The following FNDC3A variants were observed in gnomAD, a reference collection of about 807,000 sequenced individuals.
FNDC3A encodes fibronectin type III domain containing 3A.
A neutral mutation model predicts 148.9 loss-of-function variants in FNDC3A; 32 were observed. That is an observed-to-expected ratio of 0.21 (90% CI 0.16 to 0.29). The LOEUF (loss-of-function observed/expected upper bound fraction) is 0.29, where lower values mean the gene tolerates loss of function less well. Ranked by LOEUF, FNDC3A falls within the 10% of genes least tolerant of loss-of-function variation. The probability of loss-of-function intolerance (pLI) is 1.00; values close to 1 mark genes in which losing one functional copy is unlikely to be tolerated. For missense variants in FNDC3A, 1,191 were observed against 1,452.8 expected (o/e 0.82, Z 2.93); for synonymous variants, 472 against 473.6 (o/e 1.00, Z 0.04).
At chr13:49,135,610 G>A (rs1178362216) in intron 5 of FNDC3A, among the ~76,000 whole-genome samples, 1 of 151,920 alleles carries the variant, frequency 6.6e-6, no homozygotes, top group African/African-American at 2.4e-5. Flanking sequence ...TTTTCTTAAG[G>A]CACTGCTAAA....
At chr13:49,192,013 A>G (rs547822225) in intron 19 of FNDC3A, among the ~76,000 whole-genome samples, 1 of 152,326 alleles carries the variant, frequency 6.6e-6, no homozygotes, top group East Asian at 1.9e-4. Context: ...TGATAGAGGT[A>G]AGCTACAAAC....
chr13:49,167,611 TAGG>T (rs1414824475), intron 9 of FNDC3A, among the ~76,000 whole-genome samples: 2 of 151,732 alleles, frequency 1.3e-5, no homozygotes, highest in Admixed American at 1.3e-4. Flanking sequence ...AAGGCTGAGG[TAGG>T]AGGATTGCTT....
intron 2 of FNDC3A, chr13:49,044,061 T>C (rs1265622207): frequency 1.2e-5 from 2 of 166,218 alleles, no homozygotes; most frequent in African/African-American, 2.4e-5. Flanking sequence ...GCATTCTAAT[T>C]AGCAGACTGG....
chr13:49,150,593 T>A (rs1398562726), intron 8 of FNDC3A, among the ~76,000 whole-genome samples: 2 of 152,108 alleles, frequency 1.3e-5, no homozygotes, highest in South Asian at 4.1e-4. Flanking sequence ...CTCTTGTTAT[T>A]GATTTCTAGT....
chr13:49,037,410 C>A (rs558128224), intron 2 of FNDC3A, among the ~76,000 whole-genome samples: 1 of 152,246 alleles, frequency 6.6e-6, no homozygotes, highest in South Asian at 2.1e-4. Flanking sequence ...TTCAAGGATA[C>A]AAGGCACAGA....
Position 49,207,936 on chromosome 13 carries a change from G to C in FNDC3A, c.*541G>C, listed in dbSNP as rs554486537. The C allele has an allele frequency of 6.5e-6, 1 of 152,680 alleles. No homozygotes were observed. The highest frequency in any genetic ancestry group is 2.1e-4 in the South Asian group (1 of 4,830). 9.5% of individuals were successfully genotyped at this position (152,680 alleles called of 1,614,324 possible). A position where few individuals can be genotyped will look rare whatever the true frequency, so the allele number is the denominator to read the frequency against. The stretch of plus-strand genomic sequence containing the variant: ...CTGGAGGGGCTTAGAAACAAAAACT[G>C]GATGAAAGAGTATGCATGAAGAAAA... On this transcript the variant is annotated 3_prime_UTR_variant, in exon 26 of 26. Coordinates refer to ENST00000492622, the MANE Select transcript of FNDC3A (RefSeq NM_001079673.2).
At chr13:49,171,978 T>A in intron 10 of FNDC3A, 65 bp from the exon 11 acceptor site, 1 of 1,068,528 alleles carries the variant, frequency 9.4e-7, no homozygotes, top group Non-Finnish European at 1.4e-6. Flanking sequence ...TTATATTAGA[T>A]CATCACAGTA....
intron 1 of FNDC3A, among the ~76,000 whole-genome samples, chr13:48,995,371 G>A (rs1952004635): frequency 6.8e-6 from 1 of 146,200 alleles, no homozygotes; most frequent in South Asian, 2.1e-4. Flanking sequence ...ACCAAATCTT[G>A]TACTGTTTTA....
intron 3 of FNDC3A, among the ~76,000 whole-genome samples, chr13:49,081,823 T>C (rs1181309676): frequency 6.6e-6 from 1 of 152,212 alleles, no homozygotes; most frequent in African/African-American, 2.4e-5. Flanking sequence ...CTCAAGCTTA[T>C]TTGTCAGACT....
intron 2 of FNDC3A, among the ~76,000 whole-genome samples, chr13:49,050,166 CT>C (rs1875734445): frequency 6.6e-6 from 1 of 151,930 alleles, no homozygotes; most frequent in South Asian, 2.1e-4. Context: ...TTCGTTATTT[CT>C]TTTCTTCTGA....
At chr13:49,039,011 T>A (rs1169405476) in intron 2 of FNDC3A, among the ~76,000 whole-genome samples, 1 of 152,198 alleles carries the variant, frequency 6.6e-6, no homozygotes, top group Non-Finnish European at 1.5e-5. Context: ...AGGACAATTC[T>A]AAGACATCAT....
intron 1 of FNDC3A, among the ~76,000 whole-genome samples, chr13:48,980,531 G>A (rs914292941): frequency 2.6e-5 from 4 of 152,106 alleles, no homozygotes; most frequent in African/African-American, 7.2e-5. Context: ...ATTAAGGCAC[G>A]GAAGAAAGAC....
chr13:49,051,174 G>A (rs1875814961), intron 2 of FNDC3A, among the ~76,000 whole-genome samples: 2 of 152,106 alleles, frequency 1.3e-5, no homozygotes, highest in Non-Finnish European at 2.9e-5. Context: ...GTGAGATACT[G>A]TTCTCTTCAT....
At chr13:49,067,452 T>G (rs1877341046) in intron 2 of FNDC3A, among the ~76,000 whole-genome samples, 1 of 152,210 alleles carries the variant, frequency 6.6e-6, no homozygotes, top group African/African-American at 2.4e-5. Context: ...TGAGGAATCA[T>G]TGTATCCATA....
intron 2 of FNDC3A, among the ~76,000 whole-genome samples, chr13:49,031,809 G>A (rs1486581599): frequency 6.6e-6 from 1 of 152,088 alleles, no homozygotes; most frequent in Non-Finnish European, 1.5e-5. Context: ...ATAATTTTGT[G>A]TTGTAAGTTT....
intron 10 of FNDC3A, 79 bp from the exon 11 acceptor site, chr13:49,171,964 A>G: frequency 1.0e-6 from 1 of 975,630 alleles, no homozygotes; most frequent in Non-Finnish European, 1.6e-6. Context: ...CATAAACTAG[A>G]TCCTTATATT....
intron 3 of FNDC3A, among the ~76,000 whole-genome samples, chr13:49,106,280 T>A (rs185396435): frequency 6.6e-6 from 1 of 152,324 alleles, no homozygotes; most frequent in East Asian, 1.9e-4. Flanking sequence ...CATCAGCCTA[T>A]CTTAGTACTT....
chr13:49,143,788 C>A (rs1882822982), intron 7 of FNDC3A, among the ~76,000 whole-genome samples: 1 of 152,038 alleles, frequency 6.6e-6, no homozygotes, highest in South Asian at 2.1e-4. Flanking sequence ...TCTTGTGCTT[C>A]CCTATTTAAT....
rs181247850 is a variant in FNDC3A, at chr13:49,025,982, G to A, written c.99+19693G>A. Among the ~76,000 whole-genome samples the A allele has an allele frequency of 1.6e-3, 243 of 152,250 alleles. 1 individual carries two copies. Among genetic ancestry groups the A allele is most frequent in the Non-Finnish European group, 2.7e-3 (185 of 67,992 alleles). ...GCACACATGTGCAAAACTATTCTCT[G>A]CATTTTGTAATAATGATAGAACTGG... On this transcript the variant is annotated intron_variant, in intron 2 of 25. Coordinates refer to ENST00000492622, the MANE Select transcript of FNDC3A (RefSeq NM_001079673.2).
Sources: allele counts gnomAD v4.1 joint callset (sites outside exome capture counted in the v4.1 genomes callset), GRCh38; gene constraint gnomAD v4.1.1; transcripts MANE v1.5; gene names NCBI Gene and HGNC (gene_info 2026-07-23, HGNC 2026-07-21).